The following RPAP2 variants were observed in gnomAD, a reference collection of about 807,000 sequenced individuals.
RPAP2 encodes RNA polymerase II associated protein 2.
Under a neutral mutation model 73.1 loss-of-function variants are expected in RPAP2, and 52 were observed. The ratio of observed to expected loss-of-function variants is 0.71; its 90% CI spans 0.57 to 0.90. RPAP2 has a LOEUF of 0.90. RPAP2 is among the 40% of genes least tolerant of loss of function. RPAP2 has a pLI of 0.00. For synonymous variants in RPAP2, 225 were observed against 242.1 expected (o/e 0.93, Z 0.65); for missense variants, 598 against 701.8 (o/e 0.85, Z 1.67).
chr1:92,381,808 T>G (rs986848419), intron 12 of RPAP2, among the ~76,000 whole-genome samples: 13 of 152,016 alleles, frequency 8.6e-5, no homozygotes, highest in African/African-American at 3.1e-4. Flanking sequence ...TTAGGGTACA[T>G]GTGCACAATG....
intron 6 of RPAP2, among the ~76,000 whole-genome samples, chr1:92,309,119 C>G (rs1484729266): frequency 6.6e-6 from 1 of 151,658 alleles, no homozygotes. Flanking sequence ...AGCTATATAC[C>G]CTTCACTACC....
At chr1:92,372,592 G>A (rs1655200362) in intron 11 of RPAP2, among the ~76,000 whole-genome samples, 2 of 152,140 alleles carry the variant, frequency 1.3e-5, no homozygotes, top group African/African-American at 2.4e-5. Context: ...GGGGAATGAA[G>A]AAAATGTTTC....
At chr1:92,300,274 T>G in intron 2 of RPAP2, 35 bp downstream of exon 2, 1 of 1,518,982 alleles carries the variant, frequency 6.6e-7, no homozygotes, top group Non-Finnish European at 9.1e-7. Flanking sequence ...CATTGGCATA[T>G]CTACTTATCT....
chr1:92,302,589 A>ATTT, intron 3 of RPAP2, among the ~76,000 whole-genome samples: 1 of 92,268 alleles, frequency 1.1e-5, no homozygotes, highest in South Asian at 4.2e-4. Flanking sequence ...TTCCGCATTA[A>ATTT]ATTTTTTTTT....
chr1:92,323,405 A>G (rs551668822), intron 7 of RPAP2, 40 bp from the exon 8 acceptor site: 2 of 1,393,452 alleles, frequency 1.4e-6, no homozygotes, highest in South Asian at 2.9e-5. Flanking sequence ...TTTATTTGCT[A>G]TTTTTTATTT....
chr1:92,343,117 G>A (rs1653689796), intron 10 of RPAP2, among the ~76,000 whole-genome samples: 1 of 151,528 alleles, frequency 6.6e-6, no homozygotes, highest in Non-Finnish European at 1.5e-5. Flanking sequence ...TAAGGCCAGA[G>A]GCCCTGGGAC....
At chr1:92,328,888 G>T (rs916270029) in intron 8 of RPAP2, among the ~76,000 whole-genome samples, 1 of 152,186 alleles carries the variant, frequency 6.6e-6, no homozygotes, top group East Asian at 1.9e-4. Context: ...CTTCCTGAGA[G>T]CCAAACTGCA....
intron 10 of RPAP2, among the ~76,000 whole-genome samples, chr1:92,338,741 C>T (rs1020479070): frequency 4.7e-5 from 7 of 149,734 alleles, no homozygotes; most frequent in African/African-American, 1.7e-4. Flanking sequence ...GCCTTAACTT[C>T]TGGGCTCAAG....
chr1:92,400,441 T>A lies in RPAP2; in HGVS notation c.*13430T>A, dbSNP rs1656286279. On this transcript the variant is annotated 3_prime_UTR_variant, in exon 13 of 13. Transcript: ENST00000610020. ...CTCAAGCGATCCTCCCACCTCAACC[T>A]CCAGAGTATCTGGGACTATAGGCAC... is the stretch of plus-strand genomic sequence containing the variant. 1 of 152,322 alleles carries A rather than the reference T, an allele frequency of 6.6e-6. No individual in the cohort carries two copies. The highest frequency in any genetic ancestry group is 1.5e-5 in the Non-Finnish European group (1 of 68,174). The allele number at this position is 152,322 out of a possible 1,614,324, so 9.4% of individuals were successfully genotyped here.
At chr1:92,371,831 G>A (rs1353727745) in intron 11 of RPAP2, among the ~76,000 whole-genome samples, 2 of 144,826 alleles carry the variant, frequency 1.4e-5, no homozygotes, top group East Asian at 2.1e-4. Context: ...GATTGAGGCT[G>A]CAGTGAGCTC....
intron 12 of RPAP2, among the ~76,000 whole-genome samples, chr1:92,381,813 A>C (rs932184768): frequency 6.6e-6 from 1 of 151,802 alleles, no homozygotes; most frequent in Non-Finnish European, 1.5e-5. Context: ...GTACATGTGC[A>C]CAATGTGCAG....
At position 92,323,968 on chromosome 1, in the gene RPAP2, T is replaced by G. The variant is rs1313885265; in HGVS notation, c.1048T>G (p.Ser350Ala). 1.2e-6 allele frequency: 2 copies of G among 1,614,128 alleles called. No individual in the cohort carries two copies. The highest frequency in any genetic ancestry group is 2.2e-5 in the South Asian group (2 of 91,082). ...TGCCAAATCAAACCAAGTGTCTAGGTCAGTGTCTAGTTCAGTGCAGGTGTG... is the reference window on the plus strand; with the variant it reads ...TGCCAAATCAAACCAAGTGTCTAGGGCAGTGTCTAGTTCAGTGCAGGTGTG... ...KFAKSNQVSR[S>A]VSSSVQVCPE... The change falls in exon 8 of 13, where the codon TCA (serine) becomes GCA (alanine). Residue 350 changes from serine to alanine, a missense_variant. Physicochemically the swap from Ser to Ala is moderately conservative, Grantham distance 99 (BLOSUM62 1). Coordinates refer to ENST00000610020, the MANE Select transcript of RPAP2 (RefSeq NM_024813.3).
chr1:92,366,844 G>T (rs1227288731), intron 11 of RPAP2, among the ~76,000 whole-genome samples: 1 of 152,088 alleles, frequency 6.6e-6, no homozygotes, highest in Non-Finnish European at 1.5e-5. Context: ...GTGACATTTT[G>T]ACCCTTGGTG....
In RPAP2 at chr1:92,367,247, A is replaced by G. The variant is rs551245167; in HGVS notation, c.1689-13477A>G. On this transcript the variant is annotated intron_variant, in intron 11 of 12. Transcript: ENST00000610020. ...GTGTGATTTCCTCAAATATAACCGT[A>G]TAGCCTCCTAAAATAAGACTATGCT... is the stretch of plus-strand genomic sequence containing the variant. Among the ~76,000 whole-genome samples, 3 of 152,342 alleles carry G rather than the reference A, an allele frequency of 2.0e-5. No individual in the cohort carries two copies. The South Asian group carries it at 6.2e-4, about 32-fold the overall frequency.
chr1:92,302,756 C>A (rs377726840), intron 3 of RPAP2, among the ~76,000 whole-genome samples: 2 of 151,700 alleles, frequency 1.3e-5, no homozygotes, highest in African/African-American at 4.8e-5. Context: ...CCCACCATTA[C>A]GCCCGGCTAA....
At position 92,393,116 on chromosome 1, in the gene RPAP2, C is replaced by G. The variant is rs1557640192; in HGVS notation, c.*6105C>G. The G allele has an allele frequency of 6.6e-6, 1 of 152,204 alleles. No homozygotes were observed. The highest frequency in any genetic ancestry group is 2.1e-4 in the South Asian group (1 of 4,828). The allele number at this position is 152,204 out of a possible 1,614,324, so 9.4% of individuals were successfully genotyped here. A position where few individuals can be genotyped will look rare whatever the true frequency, so the allele number is the denominator to read the frequency against. ...CTACAGTAACCAAAACAGCATGGCA[C>G]TGGTACAAAAACAGATATGCAGACG... On this transcript the variant is annotated 3_prime_UTR_variant, in exon 13 of 13. Transcript: ENST00000610020.
chr1:92,384,872 G>A (rs556620606), intron 12 of RPAP2, among the ~76,000 whole-genome samples: 2 of 152,080 alleles, frequency 1.3e-5, no homozygotes, highest in African/African-American at 4.8e-5. Flanking sequence ...TGTCTTGGCT[G>A]GGTGCAGTAG....
chr1:92,373,746 A>T lies in RPAP2; in HGVS notation c.1689-6978A>T, dbSNP rs1037496826. 2.7e-3 allele frequency among the ~76,000 whole-genome samples: 366 copies of T among 135,842 alleles called. 3 individuals carry two copies. The highest frequency in any genetic ancestry group is 8.4e-3 in the African/African-American group (290 of 34,536). The allele number at this position is 135,842 out of a possible 152,430, so 89.1% of individuals were successfully genotyped here. ...CCCCGTCTCTACTAAAAATAAAAAA[A>T]AAAAAAAAAAAAAAAAAAAAAAAAG... is the stretch of plus-strand genomic sequence containing the variant. On this transcript the variant is annotated intron_variant, in intron 11 of 12. Transcript: ENST00000610020.
At chr1:92,299,193 C>G in intron 1 of RPAP2, 47 bp downstream of exon 1, 1 of 1,233,360 alleles carries the variant, frequency 8.1e-7, no homozygotes, top group Non-Finnish European at 1.1e-6. Context: ...AAAGCTGGGC[C>G]CCGATCTCGA....
Sources: allele counts gnomAD v4.1 joint callset (sites outside exome capture counted in the v4.1 genomes callset), GRCh38; gene constraint gnomAD v4.1.1; transcripts MANE v1.5; gene names NCBI Gene and HGNC (gene_info 2026-07-23, HGNC 2026-07-21).